TENM1: variants seen among roughly 807,000 people sequenced by gnomAD.
The protein encoded by TENM1 is teneurin-1.
Under a neutral mutation model 174.8 loss-of-function variants are expected in TENM1, and 35 were observed. The ratio of observed to expected loss-of-function variants is 0.20; its 90% CI spans 0.15 to 0.27. The LOEUF (loss-of-function observed/expected upper bound fraction) is 0.27, where lower values mean the gene tolerates loss of function less well. TENM1 is among the 10% of genes least tolerant of loss of function. The pLI, the probability that TENM1 is intolerant of heterozygous loss-of-function variation, is 1.00. For synonymous variants in TENM1, 781 were observed against 798.7 expected, an observed-to-expected ratio of 0.98 and a Z score of 0.37; for missense variants, 1,633 against 2,130.1, an observed-to-expected ratio of 0.77 and a Z score of 4.59.
chrX:125,065,349 A>G, the TENM1 span, among the ~76,000 whole-genome samples: 4 of 112,137 alleles, frequency 3.6e-5, no homozygotes, highest in East Asian at 1.1e-3. Context: ...TTTCTCCACC[A>G]GAGCAATGCT....
At chrX:125,032,597 C>G in the TENM1 span, among the ~76,000 whole-genome samples, 3 of 111,462 alleles carry the variant, frequency 2.7e-5, no homozygotes, top group East Asian at 5.7e-4. Flanking sequence ...GTCTTGCTTA[C>G]TACTACCTAT....
At chrX:125,095,420 A>AT in the TENM1 span, among the ~76,000 whole-genome samples, 53 of 110,293 alleles carry the variant, frequency 4.8e-4, no homozygotes, top group Middle Eastern at 4.7e-3. Context: ...AACAGATTGG[A>AT]TTTTTTTTTG....
the TENM1 span, among the ~76,000 whole-genome samples, chrX:125,034,475 A>G: frequency 9.0e-6 from 1 of 111,522 alleles, no homozygotes; most frequent in South Asian, 3.8e-4. Flanking sequence ...GATCACTGGG[A>G]GGCTTACAGC....
chrX:125,177,360 A>G, the TENM1 span, among the ~76,000 whole-genome samples: 9 of 112,256 alleles, frequency 8.0e-5, no homozygotes, highest in African/African-American at 1.6e-4. Context: ...TTCATCTGAC[A>G]TATGTCAGAC....
At chrX:124,805,370 C>T (rs755256337) in intron 3 of TENM1, among the ~76,000 whole-genome samples, 1 of 112,234 alleles carries the variant, frequency 8.9e-6, no homozygotes, top group South Asian at 3.7e-4. Flanking sequence ...TATAATAGTT[C>T]TAACCTTGAG....
At chrX:124,607,329 T>C (rs2050182971) in intron 11 of TENM1, among the ~76,000 whole-genome samples, 1 of 109,742 alleles carries the variant, frequency 9.1e-6, no homozygotes, top group Non-Finnish European at 1.9e-5. Flanking sequence ...GGATGCAGAG[T>C]AATGAAAGGT....
At chrX:125,109,812 T>C in the TENM1 span, among the ~76,000 whole-genome samples, 1 of 111,441 alleles carries the variant, frequency 9.0e-6, no homozygotes, top group African/African-American at 3.3e-5. Flanking sequence ...GAGTAAAATG[T>C]TCATGTAGGA....
the TENM1 span, among the ~76,000 whole-genome samples, chrX:125,051,729 A>T: frequency 4.6e-4 from 48 of 103,666 alleles, no homozygotes; most frequent in African/African-American, 1.6e-3. Flanking sequence ...TAGACCTAAA[A>T]CCATAAAAAC....
At chrX:124,540,578 A>G (rs2048296676) in intron 15 of TENM1, among the ~76,000 whole-genome samples, 1 of 111,797 alleles carries the variant, frequency 8.9e-6, no homozygotes, top group South Asian at 3.8e-4. Context: ...CTCAAATGGT[A>G]TACATTCCCA....
chrX:125,114,098 T>C, the TENM1 span, among the ~76,000 whole-genome samples: 12 of 111,848 alleles, frequency 1.1e-4, no homozygotes, highest in East Asian at 3.4e-3. Context: ...GAACTCAGGA[T>C]TTAAAAACTC....
At chrX:124,753,491 G>T (rs1316946209) in intron 3 of TENM1, among the ~76,000 whole-genome samples, 1 of 101,870 alleles carries the variant, frequency 9.8e-6, no homozygotes, top group Non-Finnish European at 2.0e-5. Context: ...TCCTTCTCCT[G>T]CCTAATTGCC....
At chrX:124,616,335 TAAA>T (rs1233440666) in intron 11 of TENM1, among the ~76,000 whole-genome samples, 1 of 112,698 alleles carries the variant, frequency 8.9e-6, no homozygotes, top group Non-Finnish European at 1.9e-5. Flanking sequence ...TTAAACTATA[TAAA>T]ATACTAATTA....
At chrX:124,752,829 T>C (rs1326661236) in intron 3 of TENM1, among the ~76,000 whole-genome samples, 2 of 110,246 alleles carry the variant, frequency 1.8e-5, no homozygotes, top group African/African-American at 6.6e-5. Flanking sequence ...TTCTGAGGGC[T>C]CTGTTCTGTT....
intron 3 of TENM1, among the ~76,000 whole-genome samples, chrX:124,756,435 A>T (rs1419677025): frequency 1.9e-5 from 2 of 107,126 alleles, no homozygotes; most frequent in African/African-American, 3.6e-5. Context: ...TTTGGTTTGA[A>T]TTTCCTCCTG....
At chrX:124,945,469 C>T (rs1396146731) in intron 1 of TENM1, among the ~76,000 whole-genome samples, 1 of 110,813 alleles carries the variant, frequency 9.0e-6, no homozygotes, top group South Asian at 3.9e-4. Flanking sequence ...GGAGAGAAAT[C>T]AGTCAAAAGC....
chrX:124,452,593 C>T (rs1385987080), intron 23 of TENM1, among the ~76,000 whole-genome samples: 1 of 110,872 alleles, frequency 9.0e-6, no homozygotes, highest in East Asian at 2.8e-4. Context: ...TGGCACTATT[C>T]ACAATAGCAA....
chrX:124,979,541 A>G, the TENM1 span, among the ~76,000 whole-genome samples: 2 of 111,978 alleles, frequency 1.8e-5, no homozygotes, highest in African/African-American at 6.5e-5. Context: ...TAAGTAAAAT[A>G]TATTTTTTAA....
intron 1 of TENM1, among the ~76,000 whole-genome samples, chrX:124,901,702 C>A (rs2057666972): frequency 9.0e-6 from 1 of 111,258 alleles, no homozygotes; most frequent in African/African-American, 3.3e-5. Context: ...TGGTCTTGAA[C>A]TCCTGGACTC....
At chrX:124,749,630 T>A (rs1328576731) in intron 3 of TENM1, among the ~76,000 whole-genome samples, 2 of 112,094 alleles carry the variant, frequency 1.8e-5, no homozygotes, top group East Asian at 5.6e-4. Context: ...GAAACATTTT[T>A]AAATAGTATA....
Sources: gnomAD v4.1 joint callset for allele counts (sites outside exome capture counted in the v4.1 genomes callset) on GRCh38, gnomAD v4.1.1 for gene constraint, MANE v1.5 for transcripts, NCBI Gene and HGNC (gene_info 2026-07-23, HGNC 2026-07-21) for gene names.